Variants in ZNF185 observed in about 807,000 individuals in gnomAD.
ZNF185 encodes the protein zinc finger protein 185.
Under a neutral mutation model 58.6 loss-of-function variants are expected in ZNF185, and 56 were observed. The observed-to-expected ratio is 0.95, with a 90% CI of 0.77 to 1.19. The LOEUF is 1.19. Among genes scored for constraint, ZNF185 ranks in the 50% most tolerant of loss-of-function variants. The pLI is 0.00. For synonymous variants in ZNF185, 230 were observed against 215.9 expected, an observed-to-expected ratio of 1.07 and a Z score of -0.57; for missense variants, 627 against 573.5, an observed-to-expected ratio of 1.09 and a Z score of -0.95.
chrX:152,919,139 G>C (rs1219237755), intron 7 of ZNF185, 58 bp downstream of exon 8: 1 of 929,758 alleles, frequency 1.1e-6, no homozygotes. Context: ...CTGAGTCTTC[G>C]AAGACTGCTG....
intron 3 of ZNF185, 140 bp from the exon 5 acceptor site, chrX:152,916,991 C>A: frequency 2.4e-6 from 2 of 835,356 alleles, no homozygotes; most frequent in Non-Finnish European, 3.5e-6. Context: ...GGGGCTGGCA[C>A]CCCTCGTTTC....
intron 20 of ZNF185, among the ~76,000 whole-genome samples, chrX:152,968,432 C>T (rs2050334471): frequency 8.9e-6 from 1 of 112,907 alleles, no homozygotes; most frequent in African/African-American, 3.2e-5. Context: ...GGGACAATCT[C>T]AGTCACTTGC....
At chrX:152,904,159 C>T in the ZNF185 span, among the ~76,000 whole-genome samples, 6 of 112,177 alleles carry the variant, frequency 5.3e-5, no homozygotes, top group Admixed American at 5.6e-4. Context: ...GCGAGAGCCC[C>T]TGGGACTGGA....
rs145477931 is a variant in ZNF185 at position 152,970,660 on chromosome X, A to G, written c.*119A>G. 412 of 586,237 alleles carry G rather than the reference A, an allele frequency of 7.0e-4. 3 individuals are homozygous for G. In the East Asian group the frequency reaches 0.011, roughly 15 times the overall value. The allele number at this position is 586,237 out of a possible 1,213,427, so 48.3% of individuals were successfully genotyped here. On this transcript the variant is annotated intron_variant, in intron 22 of 22. Transcript: ENST00000449285. ...CAGCTATCTTTCTTGGCTCTTCCTTATGTTCAGGGGGCCTTGTGTCCTCAT... is the reference window on the plus strand; with the variant it reads ...CAGCTATCTTTCTTGGCTCTTCCTTGTGTTCAGGGGGCCTTGTGTCCTCAT...
chrX:152,915,353 C>A, intron 3 of ZNF185, 150 bp downstream of exon 4: 1 of 559,328 alleles, frequency 1.8e-6, no homozygotes, highest in Non-Finnish European at 2.7e-6. Flanking sequence ...TTGAAATCTG[C>A]AGGAAGGAGG....
rs1304628881 is a variant in ZNF185 at position 152,938,112 on chromosome X, G to C, written c.1160G>C (p.Arg387Thr). 6 of 1,184,983 alleles carry C rather than the reference G, an allele frequency of 5.1e-6. No individual in the cohort carries two copies. In the Admixed American group the frequency reaches 9.5e-5, roughly 19 times the overall value. Reference sequence around the variant, plus strand: ...TCAGTCTCTGCTGTCCCTGCTGATAGGAAGAGCAACAGCACAGCAGCCCAG... The same window carrying C: ...TCAGTCTCTGCTGTCCCTGCTGATACGAAGAGCAACAGCACAGCAGCCCAG... The change falls in exon 15 of 23, where the codon AGG becomes ACG. Residue 387 changes from arginine (R) to threonine (T), a missense_variant. Physicochemically the swap from Arg to Thr is moderately conservative, Grantham distance 71 (BLOSUM62 -1). Transcript: ENST00000449285.
chrX:152,961,957 G>A, intron 17 of ZNF185, among the ~76,000 whole-genome samples: 1 of 112,005 alleles, frequency 8.9e-6, no homozygotes, highest in Non-Finnish European at 1.9e-5. Flanking sequence ...CTCCATTTGT[G>A]ATAAGCCCAG....
intron 14 of ZNF185, 47 bp downstream of exon 16, chrX:152,936,560 C>A: frequency 2.7e-6 from 3 of 1,096,250 alleles, no homozygotes; most frequent in Non-Finnish European, 3.7e-6. Context: ...TTGCCAGACA[C>A]AGCCTTTGGG....
At chrX:152,922,328 C>A in intron 10 of ZNF185, 72 bp downstream of exon 11, 1 of 997,371 alleles carries the variant, frequency 1.0e-6, no homozygotes, top group Non-Finnish European at 1.4e-6. Flanking sequence ...TGAGGAACCT[C>A]AGTCAGGGCA....
rs2046572576 is a variant in ZNF185 at position 152,938,130 on chromosome X, C to A, written c.1178C>A (p.Ala393Glu). The A allele has an allele frequency of 2.5e-6, 3 of 1,185,901 alleles. 1 individual carries two copies. Among genetic ancestry groups the A allele is most frequent in the Non-Finnish European group, 3.4e-6 (3 of 882,152 alleles). Residue 393 changes from alanine to glutamate, a missense_variant, in exon 15 of 23, where the codon GCA (alanine) becomes GAA (glutamate). Coordinates refer to ENST00000449285, the Ensembl canonical transcript of ZNF185. The stretch of plus-strand genomic sequence containing the variant: ...GCTGATAGGAAGAGCAACAGCACAG[C>A]AGCCCAGGAGGATGCAAAGGCAGAC...
chrX:152,942,010 A>C (rs1015530088), intron 15 of ZNF185, among the ~76,000 whole-genome samples: 1 of 109,117 alleles, frequency 9.2e-6, no homozygotes, highest in African/African-American at 3.6e-5. Flanking sequence ...AGGGCTGCCC[A>C]GGGGGAGGGG....
chrX:152,961,773 T>C (rs1165629676), intron 17 of ZNF185, among the ~76,000 whole-genome samples: 1 of 112,544 alleles, frequency 8.9e-6, no homozygotes, highest in Non-Finnish European at 1.9e-5. Flanking sequence ...GTGGACTCAC[T>C]CATTTAATTC....
At chrX:152,960,251 G>T (rs1294254878) in intron 17 of ZNF185, among the ~76,000 whole-genome samples, 2 of 112,338 alleles carry the variant, frequency 1.8e-5, no homozygotes, top group African/African-American at 6.5e-5. Context: ...GTGCCATGGT[G>T]TGGATGTGAT....
At chrX:152,954,127 C>G (rs1403410577) in intron 16 of ZNF185, among the ~76,000 whole-genome samples, 2 of 108,472 alleles carry the variant, frequency 1.8e-5, no homozygotes, top group African/African-American at 6.8e-5. Context: ...CAAAAAACAT[C>G]ACAAAATAAT....
At chrX:152,964,734 T>C (rs1025182906) in intron 18 of ZNF185, among the ~76,000 whole-genome samples, 1 of 110,002 alleles carries the variant, frequency 9.1e-6, no homozygotes, top group African/African-American at 3.3e-5. Flanking sequence ...GGGATGTCAC[T>C]GCAGGAAGGC....
chrX:152,941,219 G>C (rs1309941091), intron 15 of ZNF185, among the ~76,000 whole-genome samples: 1 of 111,896 alleles, frequency 8.9e-6, no homozygotes, highest in Non-Finnish European at 1.9e-5. Context: ...TTCTCAGGTA[G>C]TGGTTCTGAC....
chrX:152,903,740 G>A, the ZNF185 span, among the ~76,000 whole-genome samples: 3 of 111,643 alleles, frequency 2.7e-5, no homozygotes, highest in Admixed American at 9.5e-5. Context: ...CTGAACGGTC[G>A]CTTGTATCTG....
chrX:152,950,690 A>G (rs1320049186), intron 16 of ZNF185, among the ~76,000 whole-genome samples: 1 of 111,935 alleles, frequency 8.9e-6, no homozygotes, highest in Non-Finnish European at 1.9e-5. Context: ...GAGATTTTCC[A>G]GAAGGTCCCT....
rs1174786686 is a variant in ZNF185 at position 152,915,026 on chromosome X, A to G, written c.159-112A>G. The G allele has an allele frequency of 3.9e-6, 4 of 1,027,472 alleles. No homozygotes were observed. In the Admixed American group the frequency reaches 8.5e-5, roughly 22 times the overall value. The allele number at this position is 1,027,472 out of a possible 1,213,427, so 84.7% of individuals were successfully genotyped here. Reference sequence around the variant, plus strand: ...AGCCCCTGGGTGCCTGGGAAGGAGAATGTGTGGCAGAAATGGCAGGACTTG... The same window carrying G: ...AGCCCCTGGGTGCCTGGGAAGGAGAGTGTGTGGCAGAAATGGCAGGACTTG... On this transcript the variant is annotated intron_variant, in intron 2 of 22. Transcript: ENST00000449285.
Sources: gnomAD v4.1 joint callset for allele counts (sites outside exome capture counted in the v4.1 genomes callset) on GRCh38, gnomAD v4.1.1 for gene constraint, MANE v1.5 for transcripts, NCBI Gene and HGNC (gene_info 2026-07-23, HGNC 2026-07-21) for gene names.